The following CHSY3 variants were observed in gnomAD, a reference collection of about 807,000 sequenced individuals.
CHSY3 encodes the protein N-acetylgalactosaminyl-proteoglycan 3-beta-glucuronosyltransferase 3.
Under a neutral mutation model 67.2 loss-of-function variants are expected in CHSY3, and 35 were observed. That is an observed-to-expected ratio of 0.52 (90% CI 0.40 to 0.69). CHSY3 has a LOEUF of 0.69. Among genes scored for constraint, CHSY3 ranks in the 30% least tolerant of loss-of-function variants. CHSY3 has a pLI of 0.00. For synonymous variants in CHSY3, 474 were observed against 434.7 expected, an observed-to-expected ratio of 1.09 and a Z score of -1.12; for missense variants, 1,069 against 1,138.5, an observed-to-expected ratio of 0.94 and a Z score of 0.88.
At chr5:129,985,387 C>G (rs1278126080) in intron 2 of CHSY3, among the ~76,000 whole-genome samples, 1 of 151,972 alleles carries the variant, frequency 6.6e-6, no homozygotes, top group Non-Finnish European at 1.5e-5. Context: ...GTCTGTGTGT[C>G]TGTTTTTATG....
At chr5:129,989,740 A>G (rs1763306065) in intron 2 of CHSY3, among the ~76,000 whole-genome samples, 1 of 152,222 alleles carries the variant, frequency 6.6e-6, no homozygotes. Flanking sequence ...TTGATGCCTC[A>G]GGTTATTATT....
At chr5:129,911,379 TTTAA>T (rs1760542018) in intron 2 of CHSY3, among the ~76,000 whole-genome samples, 1 of 152,128 alleles carries the variant, frequency 6.6e-6, no homozygotes, top group South Asian at 2.1e-4. Context: ...CACTTACTAG[TTTAA>T]TTGTCTTTTG....
intron 2 of CHSY3, among the ~76,000 whole-genome samples, chr5:130,081,691 G>C (rs1007585079): frequency 2.6e-5 from 4 of 151,962 alleles, no homozygotes; most frequent in Non-Finnish European, 5.9e-5. Context: ...TTTATAAAAG[G>C]CAGTTCCCCT....
intron 2 of CHSY3, among the ~76,000 whole-genome samples, chr5:129,911,334 C>A (rs1462247045): frequency 6.6e-6 from 1 of 152,022 alleles, no homozygotes; most frequent in East Asian, 1.9e-4. Context: ...AAGGTAATAG[C>A]GGGATATGAA....
At chr5:129,966,052 C>T (rs1256853692) in intron 2 of CHSY3, among the ~76,000 whole-genome samples, 1 of 151,878 alleles carries the variant, frequency 6.6e-6, no homozygotes, top group African/African-American at 2.4e-5. Context: ...TTTCTGACAA[C>T]ATGCTTTATT....
chr5:129,974,533 C>T (rs1159550073), intron 2 of CHSY3, among the ~76,000 whole-genome samples: 1 of 151,760 alleles, frequency 6.6e-6, no homozygotes, highest in Non-Finnish European at 1.5e-5. Flanking sequence ...TTACCATGGT[C>T]GAGAAAAAAA....
At chr5:129,971,645 A>G (rs1317849125) in intron 2 of CHSY3, among the ~76,000 whole-genome samples, 1 of 151,992 alleles carries the variant, frequency 6.6e-6, no homozygotes. Context: ...AAAAAGTTTC[A>G]GGGTCAAGTT....
intron 2 of CHSY3, among the ~76,000 whole-genome samples, chr5:130,010,019 TA>T (rs1338508530): frequency 6.6e-6 from 1 of 152,142 alleles, no homozygotes; most frequent in East Asian, 1.9e-4. Flanking sequence ...GAGACTTCTA[TA>T]ACCACACAAT....
In CHSY3 at chr5:130,147,660, C is replaced by T. The variant is rs559552868; in HGVS notation, c.1087-36569C>T. Among the ~76,000 whole-genome samples, 36 of 152,186 alleles carry T rather than the reference C, an allele frequency of 2.4e-4. 1 individual carries two copies. Among genetic ancestry groups the T allele is most frequent in the African/African-American group, 8.4e-4 (35 of 41,522 alleles). On this transcript the variant is annotated intron_variant, in intron 2 of 2. Transcript: ENST00000305031. ...TAGGGTATAGAGGAAGCATGGTGCT[C>T]GGCATCTGCTCAGCTTCTGATGAGG...
chr5:129,909,202 A>T (rs968746359), intron 2 of CHSY3, among the ~76,000 whole-genome samples: 10 of 152,144 alleles, frequency 6.6e-5, no homozygotes, highest in Non-Finnish European at 1.5e-4. Flanking sequence ...TAATTTTAGT[A>T]AAAATTTATT....
At chr5:129,961,355 G>A (rs889455772) in intron 2 of CHSY3, among the ~76,000 whole-genome samples, 14 of 152,038 alleles carry the variant, frequency 9.2e-5, no homozygotes, top group African/African-American at 3.1e-4. Context: ...ATGTGAAATA[G>A]CAATATACAG....
chr5:130,129,101 T>A (rs913617234), intron 2 of CHSY3, among the ~76,000 whole-genome samples: 4 of 152,102 alleles, frequency 2.6e-5, no homozygotes, highest in African/African-American at 9.7e-5. Flanking sequence ...TGTGCCAAGT[T>A]TCCTCAAGAT....
intron 2 of CHSY3, among the ~76,000 whole-genome samples, chr5:130,114,994 T>A (rs1365497719): frequency 1.3e-5 from 2 of 152,168 alleles, no homozygotes; most frequent in East Asian, 1.9e-4. Context: ...CACTTTGGAA[T>A]GTGCAACAGA....
intron 2 of CHSY3, among the ~76,000 whole-genome samples, chr5:130,121,287 G>T (rs1768014394): frequency 6.6e-6 from 1 of 152,172 alleles, no homozygotes; most frequent in African/African-American, 2.4e-5. Context: ...AATAAATGCT[G>T]ACTGGATGGG....
intron 2 of CHSY3, among the ~76,000 whole-genome samples, chr5:130,086,765 CA>C (rs1212274092): frequency 1.3e-5 from 2 of 152,066 alleles, no homozygotes; most frequent in African/African-American, 4.8e-5. Context: ...CACATGGATT[CA>C]CAGCCGAATT....
intron 2 of CHSY3, among the ~76,000 whole-genome samples, chr5:130,102,167 T>A (rs558268494): frequency 6.6e-6 from 1 of 152,208 alleles, no homozygotes; most frequent in South Asian, 2.1e-4. Context: ...GACTTTAAAA[T>A]ATTTCAGTGG....
chr5:130,182,569 A>C (rs1237506824), intron 2 of CHSY3, among the ~76,000 whole-genome samples: 3 of 152,122 alleles, frequency 2.0e-5, no homozygotes. Context: ...TCACATACCC[A>C]AAAGTCTTGC....
At chr5:129,915,517 G>A (rs1005492566) in intron 2 of CHSY3, among the ~76,000 whole-genome samples, 8 of 152,122 alleles carry the variant, frequency 5.3e-5, no homozygotes, top group Non-Finnish European at 8.8e-5. Flanking sequence ...ACAGATGAAC[G>A]AAATGCATTT....
intron 2 of CHSY3, among the ~76,000 whole-genome samples, chr5:130,044,381 T>C (rs76986138): frequency 8.1e-4 from 123 of 152,166 alleles, no homozygotes; most frequent in African/African-American, 2.7e-3. Flanking sequence ...TGGGGTTTTG[T>C]AGGTGAATTT....
Sources: allele counts gnomAD v4.1 joint callset (sites outside exome capture counted in the v4.1 genomes callset), GRCh38; gene constraint gnomAD v4.1.1; transcripts MANE v1.5; gene names NCBI Gene and HGNC (gene_info 2026-07-23, HGNC 2026-07-21).